The following NELL1 variants were observed in gnomAD, a reference collection of about 807,000 sequenced individuals.
NELL1 encodes the protein neural EGFL like 1.
In NELL1, 76 loss-of-function variants were observed where a neutral mutation model predicts 107.4. The ratio of observed to expected loss-of-function variants is 0.71; its 90% CI spans 0.59 to 0.86. The LOEUF (loss-of-function observed/expected upper bound fraction) is 0.86, where lower values mean the gene tolerates loss of function less well. Among genes scored for constraint, NELL1 ranks in the 40% least tolerant of loss-of-function variants. NELL1 has a pLI of 0.00. For missense variants in NELL1, 1,024 were observed against 1,005.5 expected (o/e 1.02, Z -0.25); for synonymous variants, 353 against 341.2 (o/e 1.03, Z -0.38).
chr11:20,813,048 G>C (rs1204436403), intron 3 of NELL1, among the ~76,000 whole-genome samples: 1 of 94,360 alleles, frequency 1.1e-5, no homozygotes, highest in Non-Finnish European at 2.1e-5. Context: ...AAAAAAAAAA[G>C]AAATAGCAGA....
intron 12 of NELL1, among the ~76,000 whole-genome samples, chr11:21,101,378 G>T (rs1418723565): frequency 2.0e-5 from 3 of 152,116 alleles, no homozygotes; most frequent in African/African-American, 7.2e-5. Context: ...TGGGTCAAAT[G>T]GTATTTCTAA....
At chr11:20,691,030 A>C (rs1162056818) in intron 2 of NELL1, among the ~76,000 whole-genome samples, 1 of 151,866 alleles carries the variant, frequency 6.6e-6, no homozygotes, top group Non-Finnish European at 1.5e-5. Context: ...TAAGTATTTT[A>C]TTCTCTTTGA....
At chr11:21,171,623 A>C (rs1340209650) in intron 13 of NELL1, among the ~76,000 whole-genome samples, 2 of 151,834 alleles carry the variant, frequency 1.3e-5, no homozygotes, top group Non-Finnish European at 1.5e-5. Context: ...TATAATCTAA[A>C]GCCACTGAAG....
intron 5 of NELL1, among the ~76,000 whole-genome samples, chr11:20,898,095 A>G (rs1029341330): frequency 3.9e-5 from 6 of 152,226 alleles, no homozygotes; most frequent in African/African-American, 1.4e-4. Flanking sequence ...ATTATAAATC[A>G]TGCTATTATA....
At chr11:20,763,053 T>C (rs1039282537) in intron 2 of NELL1, among the ~76,000 whole-genome samples, 1 of 152,178 alleles carries the variant, frequency 6.6e-6, no homozygotes, top group Non-Finnish European at 1.5e-5. Context: ...GCTTTCTCTG[T>C]GGATGCAGGG....
intron 2 of NELL1, among the ~76,000 whole-genome samples, chr11:20,778,498 CTTTTT>C (rs1161737750): frequency 2.5e-4 from 18 of 73,032 alleles, no homozygotes; most frequent in African/African-American, 6.1e-4. Context: ...TCACCCAGCA[CTTTTT>C]TTTTTTTTTT....
At chr11:21,158,798 T>C (rs1856300393) in intron 13 of NELL1, among the ~76,000 whole-genome samples, 1 of 152,214 alleles carries the variant, frequency 6.6e-6, no homozygotes, top group African/African-American at 2.4e-5. Context: ...TATTTGGTTA[T>C]TTATTATAGA....
At chr11:20,958,433 G>C (rs4244515) in intron 11 of NELL1, among the ~76,000 whole-genome samples, 47,417 of 151,868 alleles carry the variant, frequency 0.31, 7,791 homozygotes, top group East Asian at 0.59. Context: ...CAAAACCCAA[G>C]CTAACACACA....
At chr11:21,467,860 T>C (rs770337744) in intron 15 of NELL1, among the ~76,000 whole-genome samples, 62 of 152,072 alleles carry the variant, frequency 4.1e-4, no homozygotes, top group Non-Finnish European at 2.5e-4. Context: ...ATAGTTGCTC[T>C]GGGAAAAGCT....
intron 9 of NELL1, among the ~76,000 whole-genome samples, chr11:20,933,250 G>A (rs1850654455): frequency 6.6e-6 from 1 of 152,184 alleles, no homozygotes; most frequent in Non-Finnish European, 1.5e-5. Flanking sequence ...GGAAGGATGT[G>A]GGTGACAGCC....
intron 15 of NELL1, among the ~76,000 whole-genome samples, chr11:21,458,599 G>GA (rs992641232): frequency 6.6e-6 from 1 of 151,980 alleles, no homozygotes; most frequent in Non-Finnish European, 1.5e-5. Flanking sequence ...TATTTTGAGT[G>GA]AAAAAATGAG....
intron 14 of NELL1, among the ~76,000 whole-genome samples, chr11:21,303,844 T>C (rs1019751418): frequency 6.6e-6 from 1 of 151,982 alleles, no homozygotes; most frequent in African/African-American, 2.4e-5. Flanking sequence ...AGGATCAAGG[T>C]GCTGGAGAAA....
chr11:21,116,602 CA>C (rs1278266852), intron 13 of NELL1, among the ~76,000 whole-genome samples: 2 of 152,086 alleles, frequency 1.3e-5, no homozygotes, highest in East Asian at 3.9e-4. Flanking sequence ...CCCATTCCAG[CA>C]AAAGCACCAT....
intron 2 of NELL1, among the ~76,000 whole-genome samples, chr11:20,739,313 A>G (rs933765695): frequency 2.0e-5 from 3 of 152,228 alleles, no homozygotes; most frequent in African/African-American, 7.2e-5. Context: ...AAGTGAAATG[A>G]TGAACCGTCA....
intron 5 of NELL1, among the ~76,000 whole-genome samples, chr11:20,887,709 C>G (rs553177160): frequency 6.6e-6 from 1 of 152,148 alleles, no homozygotes; most frequent in Non-Finnish European, 1.5e-5. Context: ...AGACTTGACA[C>G]CCAGATTTAC....
intron 2 of NELL1, among the ~76,000 whole-genome samples, chr11:20,758,541 G>T (rs964798854): frequency 6.6e-6 from 1 of 152,146 alleles, no homozygotes; most frequent in East Asian, 1.9e-4. Context: ...GGTAGTGAGT[G>T]CCTGTCCCTG....
intron 15 of NELL1, among the ~76,000 whole-genome samples, chr11:21,477,610 A>C (rs1461761592): frequency 6.6e-6 from 1 of 152,092 alleles, no homozygotes; most frequent in Non-Finnish European, 1.5e-5. Flanking sequence ...TAAACTATGA[A>C]GAATATAATA....
chr11:21,102,341 T>A (rs1390572957), intron 12 of NELL1, among the ~76,000 whole-genome samples: 1 of 152,112 alleles, frequency 6.6e-6, no homozygotes, highest in Non-Finnish European at 1.5e-5. Flanking sequence ...TACTACCACC[T>A]CTAGACCCAG....
intron 3 of NELL1, among the ~76,000 whole-genome samples, chr11:20,809,424 T>C (rs1857452601): frequency 6.6e-6 from 1 of 152,202 alleles, no homozygotes; most frequent in African/African-American, 2.4e-5. Flanking sequence ...CAATACATTA[T>C]TGTTAAGTTT....
Sources: allele counts gnomAD v4.1 joint callset (sites outside exome capture counted in the v4.1 genomes callset), GRCh38; gene constraint gnomAD v4.1.1; transcripts MANE v1.5; gene names NCBI Gene and HGNC (gene_info 2026-07-23, HGNC 2026-07-21).